The following LRP1B variants were observed in gnomAD, a reference collection of about 807,000 sequenced individuals.
LRP1B encodes low-density lipoprotein receptor-related protein 1B.
In LRP1B, 217 loss-of-function variants were observed where a neutral mutation model predicts 556.6. The ratio of observed to expected loss-of-function variants is 0.39; its 90% CI spans 0.35 to 0.44. The LOEUF (loss-of-function observed/expected upper bound fraction) is 0.44. Among genes scored for constraint, LRP1B ranks in the 20% least tolerant of loss-of-function variants. The pLI, the probability that LRP1B is intolerant of heterozygous loss-of-function variation, is 1.00. For synonymous variants in LRP1B, 2,047 were observed against 1,865.8 expected, an observed-to-expected ratio of 1.10 and a Z score of -2.50; for missense variants, 5,053 against 5,620.8, an observed-to-expected ratio of 0.90 and a Z score of 3.23.
At chr2:140,301,295 C>T (rs1010283990) in intron 83 of LRP1B, among the ~76,000 whole-genome samples, 4 of 151,710 alleles carry the variant, frequency 2.6e-5, no homozygotes, top group Non-Finnish European at 5.9e-5. Context: ...TTTGGTACAT[C>T]CTTGAGCTTC....
chr2:141,919,165 T>C (rs13014129), intron 1 of LRP1B, among the ~76,000 whole-genome samples: 55,906 of 151,902 alleles, frequency 0.37, 11,253 homozygotes, highest in Middle Eastern at 0.49. Flanking sequence ...CTTATATATA[T>C]GTGCATACAT....
rs1369628486 is a variant in LRP1B, at chr2:140,255,733, A to C, written c.13248-8571T>G. ...ATGCACATACATATACAGAGGTCTC[A>C]TATATGTGTGCATTCCCTATTCTGC... On this transcript the variant is annotated intron_variant, in intron 86 of 90. Coordinates refer to ENST00000389484, the MANE Select transcript of LRP1B (RefSeq NM_018557.3). 2.0e-5 allele frequency among the ~76,000 whole-genome samples: 3 copies of C among 152,146 alleles called. No individual in the cohort carries two copies. The East Asian group carries it at 5.8e-4, about 30-fold the overall frequency.
chr2:141,428,192 T>C (rs1156888042), intron 3 of LRP1B, among the ~76,000 whole-genome samples: 1 of 152,192 alleles, frequency 6.6e-6, no homozygotes, highest in East Asian at 1.9e-4. Flanking sequence ...ATAAATTAAG[T>C]AGGTTACAGG....
chr2:141,742,242 TTTTTC>T (rs1470189434), intron 2 of LRP1B, among the ~76,000 whole-genome samples: 3 of 141,844 alleles, frequency 2.1e-5, no homozygotes, highest in African/African-American at 8.5e-5. Context: ...TCCAGTTTTT[TTTTTC>T]TTTCTTTCTT....
At chr2:140,974,760 A>G (rs1275631848) in intron 18 of LRP1B, among the ~76,000 whole-genome samples, 1 of 152,338 alleles carries the variant, frequency 6.6e-6, no homozygotes, top group African/African-American at 2.4e-5. Context: ...CACGTTCTAC[A>G]GAGAGAAACC....
At chr2:142,011,675 C>T (rs941623616) in intron 1 of LRP1B, among the ~76,000 whole-genome samples, 1 of 152,102 alleles carries the variant, frequency 6.6e-6, no homozygotes, top group Non-Finnish European at 1.5e-5. Flanking sequence ...ATACTCCAGG[C>T]CCCTGAAACT....
chr2:140,969,546 G>A (rs1052368089), intron 18 of LRP1B, among the ~76,000 whole-genome samples: 2 of 152,156 alleles, frequency 1.3e-5, no homozygotes, highest in East Asian at 3.9e-4. Context: ...ATTGTTATGT[G>A]TGAATTTGAC....
chr2:140,949,821 T>C (rs1316519423), intron 20 of LRP1B, among the ~76,000 whole-genome samples: 1 of 150,616 alleles, frequency 6.6e-6, no homozygotes, highest in African/African-American at 2.4e-5. Context: ...GTGCCTGTAG[T>C]CCCAGCTACT....
chr2:141,658,465 T>C (rs1489495298), intron 2 of LRP1B, among the ~76,000 whole-genome samples: 1 of 152,148 alleles, frequency 6.6e-6, no homozygotes. Context: ...AAGGCATGTG[T>C]TCCCTAAAAG....
At chr2:141,878,670 T>C (rs559653979) in intron 1 of LRP1B, among the ~76,000 whole-genome samples, 1 of 152,158 alleles carries the variant, frequency 6.6e-6, no homozygotes, top group African/African-American at 2.4e-5. Context: ...ACTTTCCTAG[T>C]ACCTTCCTTA....
chr2:141,483,138 G>A lies in LRP1B; in HGVS notation c.206-2605C>T, dbSNP rs1486100562. Among the ~76,000 whole-genome samples, 2 of 126,110 alleles carry A rather than the reference G, an allele frequency of 1.6e-5. 1 individual carries two copies. Among genetic ancestry groups the A allele is most frequent in the East Asian group, 4.6e-4 (2 of 4,312 alleles). The allele number at this position is 126,110 out of a possible 152,430, so 82.7% of individuals were successfully genotyped here. ...TCCCCCCACCCCACAACAGTCCCTG[G>A]AGTGTGATGTTCCCCTTCCTGTGTC... On this transcript the variant is annotated intron_variant, in intron 2 of 90. Coordinates refer to ENST00000389484, the MANE Select transcript of LRP1B (RefSeq NM_018557.3).
chr2:141,964,734 A>C, intron 1 of LRP1B, among the ~76,000 whole-genome samples: 1 of 151,786 alleles, frequency 6.6e-6, no homozygotes, highest in Non-Finnish European at 1.5e-5. Context: ...CCAAAGCCAA[A>C]ATTGACAAAT....
At chr2:141,562,466 G>T (rs985016125) in intron 2 of LRP1B, among the ~76,000 whole-genome samples, 1 of 151,832 alleles carries the variant, frequency 6.6e-6, no homozygotes, top group Non-Finnish European at 1.5e-5. Context: ...TCTACTACAC[G>T]TTCATGATTC....
At chr2:140,366,549 G>A (rs999129540) in intron 71 of LRP1B, among the ~76,000 whole-genome samples, 2 of 151,634 alleles carry the variant, frequency 1.3e-5, no homozygotes, top group African/African-American at 2.4e-5. Flanking sequence ...AGAACACAGA[G>A]AAAAACAGAT....
At chr2:140,334,885 C>A (rs1441168541) in intron 78 of LRP1B, among the ~76,000 whole-genome samples, 1 of 151,918 alleles carries the variant, frequency 6.6e-6, no homozygotes, top group Non-Finnish European at 1.5e-5. Flanking sequence ...ACATGAAACT[C>A]CCCTTTTGTT....
chr2:141,188,903 G>A (rs577371258), intron 6 of LRP1B, among the ~76,000 whole-genome samples: 22 of 151,912 alleles, frequency 1.4e-4, no homozygotes, highest in African/African-American at 4.1e-4. Flanking sequence ...TAGTTCATTC[G>A]ATGGAATGAA....
At chr2:140,614,750 A>G (rs1417810563) in intron 41 of LRP1B, among the ~76,000 whole-genome samples, 1 of 152,184 alleles carries the variant, frequency 6.6e-6, no homozygotes, top group African/African-American at 2.4e-5. Context: ...AGAATCTCCC[A>G]TATAACATTG....
At chr2:140,385,795 A>G in intron 67 of LRP1B, 98 bp downstream of exon 67, 2 of 787,336 alleles carry the variant, frequency 2.5e-6, no homozygotes, top group Non-Finnish European at 4.5e-6. Flanking sequence ...GAGCCATAAG[A>G]CAGGTTCAAA....
intron 84 of LRP1B, among the ~76,000 whole-genome samples, chr2:140,293,396 T>TGGTAAA (rs1683474387): frequency 6.6e-6 from 1 of 152,320 alleles, no homozygotes; most frequent in East Asian, 1.9e-4. Context: ...ACTTAAAGAA[T>TGGTAAA]ACTTGATTTT....
Sources: allele counts gnomAD v4.1 joint callset (sites outside exome capture counted in the v4.1 genomes callset), GRCh38; gene constraint gnomAD v4.1.1; transcripts MANE v1.5; gene names NCBI Gene and HGNC (gene_info 2026-07-23, HGNC 2026-07-21).